Variants in FUT8 observed in about 807,000 individuals in gnomAD.
The protein encoded by FUT8 is fucosyltransferase 8, also known as alpha-(1,6)-fucosyltransferase.
FUT8 carries 29 observed loss-of-function variants against 71.3 expected under a neutral mutation model. The ratio of observed to expected loss-of-function variants is 0.41; its 90% CI spans 0.30 to 0.55. FUT8 has a LOEUF of 0.55. Among genes scored for constraint, FUT8 ranks in the 20% least tolerant of loss-of-function variants. The pLI is 0.34. For synonymous variants in FUT8, 254 were observed against 239.3 expected, an observed-to-expected ratio of 1.06 and a Z score of -0.57; for missense variants, 544 against 702.1, an observed-to-expected ratio of 0.77 and a Z score of 2.55.
At chr14:65,667,477 G>C (rs1892274279) in intron 6 of FUT8, among the ~76,000 whole-genome samples, 1 of 152,070 alleles carries the variant, frequency 6.6e-6, no homozygotes, top group African/African-American at 2.4e-5. Flanking sequence ...GGAGGTGCAA[G>C]ATCTCTACAA....
chr14:65,614,072 T>C (rs1283548855), intron 3 of FUT8, among the ~76,000 whole-genome samples: 1 of 145,302 alleles, frequency 6.9e-6, no homozygotes, highest in Non-Finnish European at 1.5e-5. Flanking sequence ...CAAGATCCCA[T>C]CACTGTACTC....
chr14:65,422,327 A>G (rs565661582), intron 1 of FUT8, among the ~76,000 whole-genome samples: 129 of 152,256 alleles, frequency 8.5e-4, no homozygotes, highest in African/African-American at 3.0e-3. Context: ...AGTTCTGATC[A>G]TAAACCACAC....
intron 6 of FUT8, among the ~76,000 whole-genome samples, chr14:65,668,787 C>T (rs1892336456): frequency 6.6e-6 from 1 of 152,050 alleles, no homozygotes; most frequent in Admixed American, 6.6e-5. Context: ...CCTAGATGCC[C>T]ATCAGTGGTA....
rs775727296 is a variant in FUT8 at position 65,616,193 on chromosome 14, T to C, written c.320-18T>C. On this transcript the variant is annotated intron_variant, in intron 4 of 10. Transcript: ENST00000673929. ...CAAAATGTTGGAAATGCTACAACTC[T>C]CTATTCTTTGACTACAGGTCTGGGG... The C allele has an allele frequency of 1.2e-6, 2 of 1,600,026 alleles. No individual in the cohort carries two copies. Among genetic ancestry groups the C allele is most frequent in the South Asian group, 2.2e-5 (2 of 89,282 alleles).
At chr14:65,555,857 CT>C (rs1214242915) in intron 2 of FUT8, among the ~76,000 whole-genome samples, 1 of 152,074 alleles carries the variant, frequency 6.6e-6, no homozygotes, top group Non-Finnish European at 1.5e-5. Flanking sequence ...AATAAATGTG[CT>C]TTTTTACCTC....
At chr14:65,412,005 C>T (rs753568175), upstream of FUT8, 1 of 456,670 alleles carries the variant, frequency 2.2e-6, no homozygotes, top group South Asian at 1.5e-5. Flanking sequence ...TAGGACGCAT[C>T]CTAGGGCAAA....
intron 7 of FUT8, among the ~76,000 whole-genome samples, chr14:65,708,175 A>G (rs1295207720): frequency 6.6e-6 from 1 of 152,152 alleles, no homozygotes; most frequent in Non-Finnish European, 1.5e-5. Context: ...GGTTTCCCCC[A>G]TGCTGTTCTA....
At chr14:65,532,728 G>A (rs1486248133) in intron 2 of FUT8, among the ~76,000 whole-genome samples, 1 of 152,172 alleles carries the variant, frequency 6.6e-6, no homozygotes, top group African/African-American at 2.4e-5. Flanking sequence ...CCTATGTTCA[G>A]AATGGTATTG....
intron 2 of FUT8, among the ~76,000 whole-genome samples, chr14:65,543,663 GA>G (rs1377477738): frequency 4.6e-5 from 7 of 152,140 alleles, no homozygotes; most frequent in African/African-American, 1.7e-4. Flanking sequence ...GATAAATTCT[GA>G]TTAGTCTAAG....
Position 65,742,714 on chromosome 14 carries a change from T to C in FUT8, c.*304T>C. ...TGTCCCCATAAGACAAACACTGCCA[T>C]ATTGTGTAATTTAAGTGACACAGAC... On this transcript the variant is annotated 3_prime_UTR_variant, in exon 11 of 11. Transcript: ENST00000673929. The C allele has an allele frequency of 3.8e-6, 1 of 265,246 alleles. No individual in the cohort carries two copies. Among genetic ancestry groups the C allele is most frequent in the South Asian group, 7.7e-5 (1 of 13,034 alleles). The allele number at this position is 265,246 out of a possible 1,614,324, so 16.4% of individuals were successfully genotyped here. A position where few individuals can be genotyped will look rare whatever the true frequency, so the allele number is the denominator to read the frequency against.
intron 2 of FUT8, among the ~76,000 whole-genome samples, chr14:65,531,228 A>T (rs549115021): frequency 2.6e-5 from 4 of 152,168 alleles, no homozygotes; most frequent in African/African-American, 7.2e-5. Flanking sequence ...ATTTAAATTA[A>T]TGGCTCTTAT....
At chr14:65,718,540 G>A (rs904328002) in intron 7 of FUT8, among the ~76,000 whole-genome samples, 3 of 152,084 alleles carry the variant, frequency 2.0e-5, no homozygotes, top group Non-Finnish European at 4.4e-5. Context: ...GTGGTTTTTT[G>A]TATGCTTAGT....
intron 2 of FUT8, among the ~76,000 whole-genome samples, chr14:65,543,182 A>G (rs1884782987): frequency 6.6e-6 from 1 of 152,216 alleles, no homozygotes; most frequent in Non-Finnish European, 1.5e-5. Flanking sequence ...TTTGAATGCA[A>G]GTTATTTCTT....
intron 6 of FUT8, among the ~76,000 whole-genome samples, chr14:65,642,914 A>C (rs943613205): frequency 2.0e-5 from 3 of 152,198 alleles, no homozygotes; most frequent in African/African-American, 4.8e-5. Flanking sequence ...CAGAGTTTCT[A>C]CATAAAGTAT....
At chr14:65,508,658 G>A (rs551375776) in intron 2 of FUT8, among the ~76,000 whole-genome samples, 2 of 151,538 alleles carry the variant, frequency 1.3e-5, no homozygotes, top group South Asian at 2.1e-4. Context: ...CTGCCACCAC[G>A]CCCAGCTAAT....
intron 3 of FUT8, among the ~76,000 whole-genome samples, chr14:65,578,650 A>G (rs1207647180): frequency 6.6e-6 from 1 of 152,194 alleles, no homozygotes; most frequent in African/African-American, 2.4e-5. Flanking sequence ...AGGGAAGCCA[A>G]AAGATTGGAC....
chr14:65,382,239 C>CT, the FUT8 span, among the ~76,000 whole-genome samples: 2 of 152,208 alleles, frequency 1.3e-5, no homozygotes, highest in Non-Finnish European at 2.9e-5. Flanking sequence ...CTGTTTTGCT[C>CT]TGGATTAGTG....
In FUT8 at chr14:65,575,676, C is replaced by T. The variant is rs150857967; in HGVS notation, c.203+13910C>T. On this transcript the variant is annotated intron_variant, in intron 3 of 10. Coordinates refer to ENST00000673929, the MANE Select transcript of FUT8 (RefSeq NM_001371533.1). ...CTCTGTCCCCCAGACTGGAGTGCAG[C>T]GGCACATTCTCTGCTTACTGCAACC... 3.5e-3 allele frequency among the ~76,000 whole-genome samples: 532 copies of T among 150,578 alleles called. 3 individuals carry two copies. The highest frequency in any genetic ancestry group is 0.012 in the African/African-American group (502 of 40,856).
At chr14:65,478,517 G>T (rs879480634) in intron 2 of FUT8, among the ~76,000 whole-genome samples, 2 of 151,904 alleles carry the variant, frequency 1.3e-5, no homozygotes, top group Non-Finnish European at 2.9e-5. Flanking sequence ...TCTAATTTGG[G>T]GATAGCTCCT....
Sources: gnomAD v4.1 joint callset for allele counts (sites outside exome capture counted in the v4.1 genomes callset) on GRCh38, gnomAD v4.1.1 for gene constraint, MANE v1.5 for transcripts, NCBI Gene and HGNC (gene_info 2026-07-23, HGNC 2026-07-21) for gene names.